The following TMEM212 variants were observed in gnomAD, a reference collection of about 807,000 sequenced individuals.
TMEM212 encodes the protein transmembrane protein 212.
TMEM212 carries 23 observed loss-of-function variants against 20.5 expected under a neutral mutation model. The observed-to-expected ratio is 1.12, with a 90% CI of 0.81 to 1.59. The LOEUF is 1.59. Among genes scored for constraint, TMEM212 ranks in the 40% most tolerant of loss-of-function variants. The probability of loss-of-function intolerance (pLI) is 0.00; values close to 1 mark genes in which losing one functional copy is unlikely to be tolerated. For missense variants in TMEM212, 211 were observed against 215.0 expected, an observed-to-expected ratio of 0.98 and a Z score of 0.12; for synonymous variants, 76 against 81.6, an observed-to-expected ratio of 0.93 and a Z score of 0.37.
chr3:171,855,878 T>C (rs60580114), intron 3 of TMEM212, among the ~76,000 whole-genome samples: 1,597 of 152,320 alleles, frequency 0.01, 32 homozygotes, highest in African/African-American at 0.037. Context: ...GAGCATAAAA[T>C]ACATTTTTGG....
chr3:171,854,873 T>C (rs1280594983), intron 3 of TMEM212, among the ~76,000 whole-genome samples: 2 of 152,206 alleles, frequency 1.3e-5, no homozygotes, highest in Non-Finnish European at 2.9e-5. Flanking sequence ...ATTGGCTTTG[T>C]TGTTCAAGAA....
At chr3:171,854,258 C>T (rs1725060972) in intron 3 of TMEM212, among the ~76,000 whole-genome samples, 1 of 152,072 alleles carries the variant, frequency 6.6e-6, no homozygotes. Context: ...TTGCAGATGA[C>T]ATGACCTTAT....
intron 4 of TMEM212, 30 bp downstream of exon 4, chr3:171,856,737 G>A: frequency 1.6e-6 from 1 of 643,850 alleles, no homozygotes; most frequent in Non-Finnish European, 2.8e-6. Context: ...GAAAAGGCCT[G>A]GGACCAGAAT....
In TMEM212 at chr3:171,858,392, C is replaced by A. The variant is rs1189591851; in HGVS notation, c.*335C>A. 1 of 152,054 alleles carries A rather than the reference C, an allele frequency of 6.6e-6. No individual in the cohort carries two copies. The highest frequency in any genetic ancestry group is 6.5e-5 in the Admixed American group (1 of 15,270). The allele number at this position is 152,054 out of a possible 1,614,324, so 9.4% of individuals were successfully genotyped here. A position where few individuals can be genotyped will look rare whatever the true frequency, so the allele number is the denominator to read the frequency against. On this transcript the variant is annotated 3_prime_UTR_variant, in exon 5 of 5. Transcript: ENST00000334567. ...ATATGTAGAAAGCTGAAACTGGATC[C>A]CTTCCTTACACCTTATATAAAAATT...
rs369790923 is a variant in TMEM212, at chr3:171,844,865, C to T, written c.159+1323C>T. Among the ~76,000 whole-genome samples the T allele has an allele frequency of 3.4e-4, 52 of 152,202 alleles. No homozygotes were observed. In the South Asian group the frequency reaches 5.2e-3, roughly 15 times the overall value. Reference sequence around the variant, plus strand: ...AATATTTATGAATAGCCCCCTATGTCGTTGAGTTACAATGAAGGATCCAAC... The same window carrying T: ...AATATTTATGAATAGCCCCCTATGTTGTTGAGTTACAATGAAGGATCCAAC... On this transcript the variant is annotated intron_variant, in intron 1 of 4. Transcript: ENST00000334567.
rs1255442326 is a variant in TMEM212, at chr3:171,858,118, A to G, written c.*61A>G. On this transcript the variant is annotated 3_prime_UTR_variant, in exon 5 of 5. Transcript: ENST00000334567. ...AAAAAGAGCCCGCATACCCAAGACA[A>G]TCCTAAGCAAAAAGAACAAAGCTGG... is the stretch of plus-strand genomic sequence containing the variant. 2 of 152,146 alleles carry G rather than the reference A, an allele frequency of 1.3e-5. No homozygotes were observed. The highest frequency in any genetic ancestry group is 1.3e-4 in the Admixed American group (2 of 15,276). The allele number at this position is 152,146 out of a possible 1,614,324, so 9.4% of individuals were successfully genotyped here.
intron 1 of TMEM212, among the ~76,000 whole-genome samples, chr3:171,845,639 A>G (rs1240592317): frequency 6.6e-6 from 1 of 152,178 alleles, no homozygotes; most frequent in East Asian, 1.9e-4. Context: ...GCACATAGTT[A>G]ATTGGTAACT....
Position 171,853,253 on chromosome 3 carries a change from C to T in TMEM212, c.220-274C>T, listed in dbSNP as rs189557493. Among the ~76,000 whole-genome samples the T allele has an allele frequency of 5.3e-5, 8 of 151,400 alleles. No homozygotes were observed. In the East Asian group the frequency reaches 1.2e-3, roughly 22 times the overall value. On this transcript the variant is annotated intron_variant, in intron 2 of 4. Transcript: ENST00000334567. ...TGATAGGTTGATCTGTGCAGCAAATCGCTGTGGCACATGTTAACCTATGTG... is the reference window on the plus strand; with the variant it reads ...TGATAGGTTGATCTGTGCAGCAAATTGCTGTGGCACATGTTAACCTATGTG...
chr3:171,843,559 T>C lies in TMEM212; in HGVS notation c.159+17T>C. The C allele has an allele frequency of 1.3e-6, 2 of 1,513,842 alleles. No individual in the cohort carries two copies. The highest frequency in any genetic ancestry group is 2.5e-5 in the South Asian group (2 of 79,490). 93.8% of individuals were successfully genotyped at this position (1,513,842 alleles called of 1,614,324 possible). ...GGAGCTTTGGTATGAAAATAGTTTATTAAATATATTGAGAAAATAAAAGAA... is the reference window on the plus strand; with the variant it reads ...GGAGCTTTGGTATGAAAATAGTTTACTAAATATATTGAGAAAATAAAAGAA... On this transcript the variant is annotated intron_variant, in intron 1 of 4. Coordinates refer to ENST00000334567, the MANE Select transcript of TMEM212 (RefSeq NM_001164436.2).
At chr3:171,851,748 A>G (rs1456571711) in intron 1 of TMEM212, among the ~76,000 whole-genome samples, 1 of 152,276 alleles carries the variant, frequency 6.6e-6, no homozygotes, top group African/African-American at 2.4e-5. Flanking sequence ...AAGGCAACAT[A>G]GAGAATCAAA....
At chr3:171,846,761 TG>T (rs1281631127) in intron 1 of TMEM212, among the ~76,000 whole-genome samples, 2 of 152,198 alleles carry the variant, frequency 1.3e-5, no homozygotes, top group Non-Finnish European at 2.9e-5. Flanking sequence ...ACGAACGTTA[TG>T]TTTTTTTACT....
chr3:171,857,363 C>A (rs1198083673), intron 4 of TMEM212, among the ~76,000 whole-genome samples: 2 of 152,026 alleles, frequency 1.3e-5, no homozygotes, highest in Admixed American at 1.3e-4. Context: ...GAACTACGAC[C>A]CCGATCTGAG....
At chr3:171,844,482 C>CG (rs1398166208) in intron 1 of TMEM212, among the ~76,000 whole-genome samples, 1 of 152,064 alleles carries the variant, frequency 6.6e-6, no homozygotes, top group Non-Finnish European at 1.5e-5. Flanking sequence ...CCAAGGGGAG[C>CG]GGATCACGAG....
chr3:171,846,302 T>C (rs1724830371), intron 1 of TMEM212, among the ~76,000 whole-genome samples: 1 of 152,196 alleles, frequency 6.6e-6, no homozygotes, highest in Non-Finnish European at 1.5e-5. Flanking sequence ...TTACACTATT[T>C]AAAATTGTAA....
Position 171,855,986 on chromosome 3 carries a change from A to T in TMEM212, c.544-677A>T, listed in dbSNP as rs374451168. Among the ~76,000 whole-genome samples, 193 of 152,292 alleles carry T rather than the reference A, an allele frequency of 1.3e-3. 1 individual carries two copies. Among genetic ancestry groups the T allele is most frequent in the African/African-American group, 4.6e-3 (190 of 41,582 alleles). Reference sequence around the variant, plus strand: ...ACTATTTAATGGTTGCTTTAAAATGAAGGAAAAAGTATACAAATAAAACTA... The same window carrying T: ...ACTATTTAATGGTTGCTTTAAAATGTAGGAAAAAGTATACAAATAAAACTA... On this transcript the variant is annotated intron_variant, in intron 3 of 4. Transcript: ENST00000334567.
At position 171,849,248 on chromosome 3, in the gene TMEM212, T is replaced by C. The variant is rs534201256; in HGVS notation, c.160-2734T>C. ...ACCCACTTCAGATCCTATTTCTCCA[T>C]GGTGCCTTTATCATCGATGTTTCCC... On this transcript the variant is annotated intron_variant, in intron 1 of 4. Transcript: ENST00000334567. 8.5e-5 allele frequency among the ~76,000 whole-genome samples: 13 copies of C among 152,326 alleles called. No homozygotes were observed. In the South Asian group the frequency reaches 2.1e-3, roughly 24 times the overall value.
chr3:171,845,956 T>A (rs2108378058), intron 1 of TMEM212, among the ~76,000 whole-genome samples: 1 of 152,326 alleles, frequency 6.6e-6, no homozygotes, highest in East Asian at 1.9e-4. Context: ...ATACTATGCC[T>A]TTCATTTGTG....
At chr3:171,848,067 A>AT (rs146712757) in intron 1 of TMEM212, among the ~76,000 whole-genome samples, 1 of 151,904 alleles carries the variant, frequency 6.6e-6, no homozygotes, top group Non-Finnish European at 1.5e-5. Context: ...CACCAAAACC[A>AT]TTTTTTTTCT....
intron 3 of TMEM212, 127 bp downstream of exon 3, chr3:171,853,977 G>A (rs1725054099): frequency 2.8e-6 from 2 of 706,676 alleles, no homozygotes; most frequent in East Asian, 2.7e-5. Context: ...TTGATATCCA[G>A]GTCTGGCACA....
Sources: gnomAD v4.1 joint callset for allele counts (sites outside exome capture counted in the v4.1 genomes callset) on GRCh38, gnomAD v4.1.1 for gene constraint, MANE v1.5 for transcripts, NCBI Gene and HGNC (gene_info 2026-07-23, HGNC 2026-07-21) for gene names.